The following ACO2 variants were observed in gnomAD, a reference collection of about 807,000 sequenced individuals.
ACO2 encodes the protein aconitate hydratase, mitochondrial.
A neutral mutation model predicts 84.5 loss-of-function variants in ACO2; 31 were observed. That is an observed-to-expected ratio of 0.37 (90% CI 0.28 to 0.50). ACO2 has a LOEUF of 0.50. Among genes scored for constraint, ACO2 ranks in the 20% least tolerant of loss-of-function variants. The pLI is 0.97. For synonymous variants in ACO2, 414 were observed against 412.7 expected, an observed-to-expected ratio of 1.00 and a Z score of -0.04; for missense variants, 685 against 1,029.3, an observed-to-expected ratio of 0.67 and a Z score of 4.58.
chr22:41,512,220 GTTTC>G, intron 4 of ACO2: 1 of 422,422 alleles, frequency 2.4e-6, no homozygotes, highest in Non-Finnish European at 4.2e-6. Context: ...AGTGCGACAT[GTTTC>G]TTTCCACATT....
intron 1 of ACO2, among the ~76,000 whole-genome samples, chr22:41,480,239 C>T (rs1164013222): frequency 6.6e-6 from 1 of 152,214 alleles, no homozygotes; most frequent in Non-Finnish European, 1.5e-5. Context: ...CCTGAGACTT[C>T]TCTGCCAGGA....
In ACO2 at chr22:41,504,711, C is replaced by CTTTTTTTTTTTT. The variant is rs926246283; in HGVS notation, c.174-3061_174-3050dup. Among the ~76,000 whole-genome samples, 2 of 48,604 alleles carry CTTTTTTTTTTTT rather than the reference C, an allele frequency of 4.1e-5. 1 individual carries two copies. The allele number at this position is 48,604 out of a possible 152,430, so 31.9% of individuals were successfully genotyped here. A position where few individuals can be genotyped will look rare whatever the true frequency, so the allele number is the denominator to read the frequency against. On this transcript the variant is annotated intron_variant, in intron 2 of 17. Coordinates refer to ENST00000216254, the MANE Select transcript of ACO2 (RefSeq NM_001098.3). ...GCCAGCAGATCCAGCACCTTAGGGA[C>CTTTTTTTTTTTT]TTTTTTTTTTTTTTTTTTTTTTTTT...
Position 41,527,955 on chromosome 22 carries a change from A to C in ACO2, c.2141A>C (p.Asp714Ala). 8 of 1,614,190 alleles carry C rather than the reference A, an allele frequency of 5.0e-6. No homozygotes were observed. Among genetic ancestry groups the C allele is most frequent in the South Asian group, 1.1e-5 (1 of 91,084 alleles). The change falls in exon 17 of 18, where the codon GAC becomes GCC. Residue 714 changes from aspartate to alanine, a missense_variant. Physicochemically the swap from Asp to Ala is moderately radical, Grantham distance 126. Around this residue, in one of 5 missense-constraint regions of ACO2, gnomAD observed 174 missense variants for 236.6 expected, o/e 0.74. Coordinates refer to ENST00000216254, the MANE Select transcript of ACO2 (RefSeq NM_001098.3). The stretch of plus-strand genomic sequence containing the variant: ...CCTCTGACCTTCGCTGACCCGGCTG[A>C]CTACAACAAGATTCACCCTGTGGAC... ...LLPLTFADPA[D>A]YNKIHPVDKL...
rs9611604 is a variant in ACO2, at chr22:41,519,997, C to G, written c.1033-174C>G. On this transcript the variant is annotated intron_variant, in intron 8 of 17. Coordinates refer to ENST00000216254, the MANE Select transcript of ACO2 (RefSeq NM_001098.3). ...CAGCCTTGCAGGGCTGGAGGGAGCC[C>G]GGGAGCGGGTGTGTGCAGAGCCAAC... Among the ~76,000 whole-genome samples the G allele has an allele frequency of 0.18, 26,637 of 152,088 alleles. 3,391 individuals are homozygous for G. Among genetic ancestry groups the G allele is most frequent in the Admixed American group, 0.38 (5,730 of 15,252 alleles).
chr22:41,475,644 C>T (rs2038004053), intron 1 of ACO2, among the ~76,000 whole-genome samples: 1 of 152,018 alleles, frequency 6.6e-6, no homozygotes, highest in Admixed American at 6.6e-5. Flanking sequence ...CCTGTAATCC[C>T]AGCACTTTGG....
At chr22:41,505,101 A>G (rs1364593755) in intron 2 of ACO2, among the ~76,000 whole-genome samples, 1 of 151,896 alleles carries the variant, frequency 6.6e-6, no homozygotes, top group Non-Finnish European at 1.5e-5. Flanking sequence ...CTGCCATCTC[A>G]CTATGCATAT....
At chr22:41,525,151 C>T in intron 13 of ACO2, 42 bp from the exon 14 acceptor site, 9 of 1,607,234 alleles carry the variant, frequency 5.6e-6, no homozygotes, top group Non-Finnish European at 7.7e-6. Flanking sequence ...CTTGTGGGAA[C>T]TGAGGACTCA....
chr22:41,527,888 G>C lies in ACO2; in HGVS notation c.2087-13G>C. 1 of 1,614,052 alleles carries C rather than the reference G, an allele frequency of 6.2e-7. No homozygotes were observed. ...GTCAGGCCCCCGATGACCGAATGCC[G>C]CCTGCTTTCCAGAGACCAACCTGAA... On this transcript the variant is annotated splice_polypyrimidine_tract_variant and intron_variant, in intron 16 of 17. Transcript: ENST00000216254.
intron 8 of ACO2, among the ~76,000 whole-genome samples, chr22:41,519,827 CA>C (rs2146130410): frequency 6.6e-6 from 1 of 150,628 alleles, no homozygotes; most frequent in Admixed American, 6.6e-5. Context: ...AAAAAGATTC[CA>C]AAAGCAACAT....
At position 41,526,288 on chromosome 22, in the gene ACO2, C is replaced by T. The variant is rs1377459063; in HGVS notation, c.1788C>T (p.His596=). ...TCAAAGGGAAGTGTACCACTGACCA[C>T]ATCTCAGCTGCTGGCCCCTGGCTCA... is the stretch of plus-strand genomic sequence containing the variant. ...IKVKGKCTTD[H]ISAAGPWLKF... Residue 596 remains histidine, a synonymous_variant, in exon 15 of 18, where the codon CAC becomes CAT. Coordinates refer to ENST00000216254, the MANE Select transcript of ACO2 (RefSeq NM_001098.3). 1.2e-6 allele frequency: 2 copies of T among 1,612,422 alleles called. No individual in the cohort carries two copies. Among genetic ancestry groups the T allele is most frequent in the Non-Finnish European group, 1.7e-6 (2 of 1,180,008 alleles).
chr22:41,526,575 C>A, intron 15 of ACO2, 122 bp downstream of exon 15: 1 of 1,154,894 alleles, frequency 8.7e-7, no homozygotes, highest in Non-Finnish European at 1.2e-6. Flanking sequence ...CCAAAGGGGA[C>A]TGCTGTGGAA....
At chr22:41,475,169 CTTTTTT>C (rs1161178390) in intron 1 of ACO2, among the ~76,000 whole-genome samples, 1 of 120,236 alleles carries the variant, frequency 8.3e-6, no homozygotes, top group South Asian at 2.8e-4. Flanking sequence ...TTGTTTTTTC[CTTTTTT>C]TTTTTTTTTT....
chr22:41,478,930 C>G (rs952215524), intron 1 of ACO2, among the ~76,000 whole-genome samples: 1 of 152,086 alleles, frequency 6.6e-6, no homozygotes, highest in Non-Finnish European at 1.5e-5. Context: ...GCCACCACAC[C>G]TGGTTAATTT....
In ACO2 at chr22:41,469,232, C is replaced by G. The variant is rs770393171; in HGVS notation, c.36+50C>G. ...GTTCACGGGGGCGGGGTGCCTCCTA[C>G]TGTGCCGGCGGCTGTGGGCGAGGCA... On this transcript the variant is annotated intron_variant, in intron 1 of 17. Coordinates refer to ENST00000216254, the MANE Select transcript of ACO2 (RefSeq NM_001098.3). 3.2e-6 allele frequency: 5 copies of G among 1,586,458 alleles called. No individual in the cohort carries two copies. The African/African-American group carries it at 6.8e-5, about 22-fold the overall frequency.
chr22:41,486,451 G>A (rs1316617061), intron 1 of ACO2, among the ~76,000 whole-genome samples: 1 of 149,034 alleles, frequency 6.7e-6, no homozygotes, highest in African/African-American at 2.5e-5. Context: ...GTGCCACCAC[G>A]CCCGGCTAAC....
In ACO2 at chr22:41,469,213, G is replaced by C. The variant is rs202084268; in HGVS notation, c.36+31G>C. 1,701 of 1,601,974 alleles carry C rather than the reference G, an allele frequency of 1.1e-3. 17 individuals are homozygous for C. In the African/African-American group the frequency reaches 0.022, roughly 20 times the overall value. On this transcript the variant is annotated intron_variant, in intron 1 of 17. Transcript: ENST00000216254. ...CGAGCTCAGGGACCTCTGGGTTCAC[G>C]GGGGCGGGGTGCCTCCTACTGTGCC...
At chr22:41,500,858 G>A (rs1033911750) in intron 2 of ACO2, among the ~76,000 whole-genome samples, 3 of 151,580 alleles carry the variant, frequency 2.0e-5, no homozygotes, top group African/African-American at 2.4e-5. Flanking sequence ...GACGCACCAC[G>A]ATGCCTGGCT....
At chr22:41,523,617 C>T (rs1412106018) in intron 11 of ACO2, among the ~76,000 whole-genome samples, 1 of 152,184 alleles carries the variant, frequency 6.6e-6, no homozygotes, top group Non-Finnish European at 1.5e-5. Context: ...TTGCCTCTGG[C>T]TTACGTGTGG....
At chr22:41,476,108 G>T (rs1287322475) in intron 1 of ACO2, among the ~76,000 whole-genome samples, 1 of 151,884 alleles carries the variant, frequency 6.6e-6, no homozygotes, top group Non-Finnish European at 1.5e-5. Flanking sequence ...TCTGTTTGAT[G>T]TGTTATAAAG....
Sources: gnomAD v4.1 joint callset for allele counts (sites outside exome capture counted in the v4.1 genomes callset) on GRCh38, gnomAD v4.1.1 for gene constraint, gnomAD v4.1.1 regional missense constraint, MANE v1.5 for transcripts, NCBI Gene and HGNC (gene_info 2026-07-23, HGNC 2026-07-21) for gene names.